The following ARHGAP24 variants were observed in gnomAD, a reference collection of about 807,000 sequenced individuals.
The protein encoded by ARHGAP24 is Rho GTPase activating protein 24.
ARHGAP24 carries 50 observed loss-of-function variants against 76.4 expected under a neutral mutation model. The observed-to-expected ratio is 0.65, with a 90% CI of 0.52 to 0.83. The LOEUF is 0.83. Ranked by LOEUF, ARHGAP24 falls within the 40% of genes least tolerant of loss-of-function variation. ARHGAP24 has a pLI of 0.00. For synonymous variants in ARHGAP24, 345 were observed against 323.3 expected, an observed-to-expected ratio of 1.07 and a Z score of -0.72; for missense variants, 930 against 914.2, an observed-to-expected ratio of 1.02 and a Z score of -0.22.
chr4:85,510,374 A>G (rs566079183), intron 1 of ARHGAP24, among the ~76,000 whole-genome samples: 6 of 151,970 alleles, frequency 3.9e-5, no homozygotes, highest in Non-Finnish European at 8.8e-5. Context: ...ACCTTCACAC[A>G]TATTCAGCAT....
intron 1 of ARHGAP24, among the ~76,000 whole-genome samples, chr4:85,564,548 A>T (rs1427590810): frequency 6.6e-6 from 1 of 151,978 alleles, no homozygotes; most frequent in Non-Finnish European, 1.5e-5. Context: ...TAATAATAAA[A>T]AAAAATTAAA....
intron 1 of ARHGAP24, among the ~76,000 whole-genome samples, chr4:85,524,212 A>G (rs1432355120): frequency 6.6e-6 from 1 of 152,024 alleles, no homozygotes; most frequent in Non-Finnish European, 1.5e-5. Flanking sequence ...CCCTCCTCCA[A>G]CCCCACCATT....
chr4:85,508,612 C>T (rs1724153362), intron 1 of ARHGAP24, among the ~76,000 whole-genome samples: 1 of 152,170 alleles, frequency 6.6e-6, no homozygotes, highest in African/African-American at 2.4e-5. Context: ...TAATATTTTT[C>T]CCTTTCATTC....
At chr4:85,593,266 C>T (rs1425619071) in intron 2 of ARHGAP24, among the ~76,000 whole-genome samples, 1 of 152,088 alleles carries the variant, frequency 6.6e-6, no homozygotes, top group Non-Finnish European at 1.5e-5. Context: ...TGGGAAATGC[C>T]TATTCAGGTA....
chr4:85,860,035 C>T (rs993855058), intron 3 of ARHGAP24, among the ~76,000 whole-genome samples: 1 of 152,034 alleles, frequency 6.6e-6, no homozygotes, highest in African/African-American at 2.4e-5. Flanking sequence ...ATCATACTGA[C>T]CTGAGGATGA....
intron 2 of ARHGAP24, among the ~76,000 whole-genome samples, chr4:85,674,159 C>T (rs532520378): frequency 3.9e-4 from 59 of 152,148 alleles, no homozygotes; most frequent in African/African-American, 1.3e-3. Context: ...AGTAGATCTG[C>T]GGTGGGGCCC....
chr4:85,696,518 A>G (rs1028973814), intron 2 of ARHGAP24, among the ~76,000 whole-genome samples: 1 of 152,200 alleles, frequency 6.6e-6, no homozygotes, highest in Non-Finnish European at 1.5e-5. Flanking sequence ...TACCTGAGTC[A>G]TTTCAGATTC....
chr4:85,610,937 CT>C (rs1466566218), intron 2 of ARHGAP24, among the ~76,000 whole-genome samples: 5 of 152,020 alleles, frequency 3.3e-5, no homozygotes, highest in African/African-American at 9.7e-5. Context: ...GAAAAACTGC[CT>C]TTTGGTATCA....
intron 3 of ARHGAP24, among the ~76,000 whole-genome samples, chr4:85,915,914 A>C (rs1735359582): frequency 6.6e-6 from 1 of 152,214 alleles, no homozygotes; most frequent in African/African-American, 2.4e-5. Context: ...AGAATGATTT[A>C]TAATCCTTTG....
intron 3 of ARHGAP24, among the ~76,000 whole-genome samples, chr4:85,792,888 A>G (rs1728189720): frequency 1.3e-5 from 2 of 152,198 alleles, no homozygotes; most frequent in Admixed American, 6.5e-5. Flanking sequence ...ACTCCCTGTC[A>G]TTATTTAATT....
At chr4:85,722,273 C>T (rs557241141) in intron 3 of ARHGAP24, 32 of 340,456 alleles carry the variant, frequency 9.4e-5, no homozygotes, top group Middle Eastern at 9.2e-4. Context: ...GATTTTACAG[C>T]GCTCTTGTGA....
chr4:85,909,098 T>C (rs1031741944), intron 3 of ARHGAP24, among the ~76,000 whole-genome samples: 2 of 152,166 alleles, frequency 1.3e-5, no homozygotes, highest in African/African-American at 4.8e-5. Context: ...CAGGTCTGAT[T>C]TTGAAGTTAA....
At chr4:85,788,217 T>A (rs1469887348) in intron 3 of ARHGAP24, among the ~76,000 whole-genome samples, 1 of 152,184 alleles carries the variant, frequency 6.6e-6, no homozygotes, top group African/African-American at 2.4e-5. Flanking sequence ...TAACTCTCTC[T>A]GTTCCTGACA....
At chr4:85,969,912 C>G (rs1738865287) in intron 5 of ARHGAP24, among the ~76,000 whole-genome samples, 1 of 152,086 alleles carries the variant, frequency 6.6e-6, no homozygotes, top group Non-Finnish European at 1.5e-5. Flanking sequence ...AAGATGACCT[C>G]TTCTATAGTG....
At chr4:85,848,091 G>A (rs1002280563) in intron 3 of ARHGAP24, among the ~76,000 whole-genome samples, 2 of 152,002 alleles carry the variant, frequency 1.3e-5, no homozygotes, top group African/African-American at 4.8e-5. Context: ...TACTATTTCT[G>A]TACCAAAATT....
At chr4:85,555,364 T>C (rs116766852) in intron 1 of ARHGAP24, among the ~76,000 whole-genome samples, 94 of 152,318 alleles carry the variant, frequency 6.2e-4, no homozygotes, top group African/African-American at 2.2e-3. Flanking sequence ...ACTTTATTTG[T>C]GGCTGAGTTC....
At chr4:85,550,261 A>C (rs780799586) in intron 1 of ARHGAP24, among the ~76,000 whole-genome samples, 1 of 152,242 alleles carries the variant, frequency 6.6e-6, no homozygotes, top group Non-Finnish European at 1.5e-5. Context: ...AATCTTCTGC[A>C]TATGGCTAGC....
At chr4:85,580,901 C>T (rs2109971805) in intron 2 of ARHGAP24, among the ~76,000 whole-genome samples, 1 of 152,244 alleles carries the variant, frequency 6.6e-6, no homozygotes, top group African/African-American at 2.4e-5. Context: ...CTTTTAGATT[C>T]CAGCAACCTG....
At chr4:85,574,761 C>T (rs895908547) in intron 2 of ARHGAP24, among the ~76,000 whole-genome samples, 12 of 152,244 alleles carry the variant, frequency 7.9e-5, no homozygotes, top group African/African-American at 2.9e-4. Flanking sequence ...CCTTACGTCT[C>T]TGTCTTCAAT....
Sources: gnomAD v4.1 joint callset for allele counts (sites outside exome capture counted in the v4.1 genomes callset) on GRCh38, gnomAD v4.1.1 for gene constraint, MANE v1.5 for transcripts, NCBI Gene and HGNC (gene_info 2026-07-23, HGNC 2026-07-21) for gene names.